GRM7: variants seen among roughly 807,000 people sequenced by gnomAD.
The protein encoded by GRM7 is metabotropic glutamate receptor 7.
In GRM7, 35 loss-of-function variants were observed where a neutral mutation model predicts 84.5. The observed-to-expected ratio is 0.41, with a 90% CI of 0.32 to 0.55. The LOEUF (loss-of-function observed/expected upper bound fraction) is 0.55. GRM7 is among the 20% of genes least tolerant of loss of function. The pLI, the probability that GRM7 is intolerant of heterozygous loss-of-function variation, is 0.19. For synonymous variants in GRM7, 487 were observed against 455.1 expected, an observed-to-expected ratio of 1.07 and a Z score of -0.89; for missense variants, 1,003 against 1,194.6, an observed-to-expected ratio of 0.84 and a Z score of 2.36.
At chr3:7,276,025 C>T (rs778812106) in intron 2 of GRM7, among the ~76,000 whole-genome samples, 5 of 152,050 alleles carry the variant, frequency 3.3e-5, no homozygotes, top group Non-Finnish European at 7.4e-5. Flanking sequence ...ACCTGTTGGT[C>T]CCTCCATGTT....
chr3:6,952,732 T>C (rs1692841357), intron 1 of GRM7, among the ~76,000 whole-genome samples: 1 of 152,218 alleles, frequency 6.6e-6, no homozygotes, highest in Non-Finnish European at 1.5e-5. Context: ...GTTTTGTTTT[T>C]GAGCGTTTCA....
chr3:6,930,103 C>G (rs144693866), intron 1 of GRM7, among the ~76,000 whole-genome samples: 1 of 152,164 alleles, frequency 6.6e-6, no homozygotes, highest in African/African-American at 2.4e-5. Flanking sequence ...AATCCCAACC[C>G]TACTGTTGAC....
At chr3:7,293,281 C>A (rs895355106) in intron 2 of GRM7, among the ~76,000 whole-genome samples, 18 of 152,036 alleles carry the variant, frequency 1.2e-4, no homozygotes, top group Admixed American at 1.0e-3. Context: ...TCCTGAGATT[C>A]TTCTTGTTGC....
chr3:7,423,368 T>C (rs1696476028), intron 5 of GRM7, among the ~76,000 whole-genome samples: 1 of 152,210 alleles, frequency 6.6e-6, no homozygotes, highest in Non-Finnish European at 1.5e-5. Context: ...TTGGGAGTTA[T>C]GGCCTTTCCA....
At chr3:7,550,808 T>C (rs1171543776) in intron 7 of GRM7, among the ~76,000 whole-genome samples, 2 of 152,036 alleles carry the variant, frequency 1.3e-5, no homozygotes, top group Non-Finnish European at 2.9e-5. Flanking sequence ...TGTAGTTGGA[T>C]GGTGCGTACT....
At chr3:7,162,134 C>T (rs1185599851) in intron 2 of GRM7, among the ~76,000 whole-genome samples, 1 of 152,056 alleles carries the variant, frequency 6.6e-6, no homozygotes, top group Non-Finnish European at 1.5e-5. Flanking sequence ...GCTTGAAATG[C>T]CTACAGTATA....
intron 9 of GRM7, among the ~76,000 whole-genome samples, chr3:7,683,491 T>G (rs1400032509): frequency 6.6e-6 from 1 of 152,204 alleles, no homozygotes; most frequent in Non-Finnish European, 1.5e-5. Flanking sequence ...CCATGAAAAC[T>G]TAACTAGATA....
intron 8 of GRM7, among the ~76,000 whole-genome samples, chr3:7,648,747 G>T (rs1261185866): frequency 3.3e-5 from 5 of 152,112 alleles, no homozygotes; most frequent in African/African-American, 1.2e-4. Context: ...GACTTCAGAT[G>T]CAGCAAAGCC....
intron 5 of GRM7, among the ~76,000 whole-genome samples, chr3:7,449,136 T>A (rs1250335900): frequency 6.6e-6 from 1 of 152,030 alleles, no homozygotes; most frequent in South Asian, 2.1e-4. Flanking sequence ...TAATAGAAAG[T>A]TGGAAAACAG....
At chr3:7,324,346 T>C (rs1029452533) in intron 4 of GRM7, among the ~76,000 whole-genome samples, 2 of 152,196 alleles carry the variant, frequency 1.3e-5, no homozygotes, top group African/African-American at 2.4e-5. Flanking sequence ...TATTTACTTA[T>C]AATGTTGCAA....
intron 4 of GRM7, among the ~76,000 whole-genome samples, chr3:7,414,481 AT>A (rs1696075638): frequency 6.6e-6 from 1 of 152,126 alleles, no homozygotes; most frequent in Admixed American, 6.6e-5. Context: ...CCATACGAAC[AT>A]TTAAAGTCAC....
rs1246049663 is a variant in GRM7 at position 7,414,963 on chromosome 3, A to G, written c.1034-60A>G. The G allele has an allele frequency of 2.9e-6, 4 of 1,373,306 alleles. No homozygotes were observed. The East Asian group carries it at 1.0e-4, about 34-fold the overall frequency. The allele number at this position is 1,373,306 out of a possible 1,614,324, so 85.1% of individuals were successfully genotyped here. A position where few individuals can be genotyped will look rare whatever the true frequency, so the allele number is the denominator to read the frequency against. On this transcript the variant is annotated intron_variant, in intron 4 of 9. Transcript: ENST00000357716. ...GAAAAAAAAAGTCACTTTTATTTTT[A>G]TTTCTGAATGTGCCAGCAGTGCCCC...
intron 1 of GRM7, among the ~76,000 whole-genome samples, chr3:7,100,218 C>T (rs1202978768): frequency 6.6e-6 from 1 of 151,404 alleles, no homozygotes; most frequent in African/African-American, 2.4e-5. Flanking sequence ...GTGCACTTCT[C>T]GTTTGTTTTA....
chr3:7,225,349 A>G (rs1159907815), intron 2 of GRM7, among the ~76,000 whole-genome samples: 1 of 149,198 alleles, frequency 6.7e-6, no homozygotes, highest in Non-Finnish European at 1.5e-5. Flanking sequence ...TATTATATAT[A>G]CAATTTCTTA....
intron 1 of GRM7, among the ~76,000 whole-genome samples, chr3:6,871,290 A>C (rs1695111409): frequency 6.6e-6 from 1 of 152,090 alleles, no homozygotes; most frequent in African/African-American, 2.4e-5. Context: ...GTGGCTCTTT[A>C]ATGACAATCA....
At chr3:7,309,144 C>T (rs900682368) in intron 4 of GRM7, among the ~76,000 whole-genome samples, 2 of 152,052 alleles carry the variant, frequency 1.3e-5, no homozygotes, top group African/African-American at 2.4e-5. Flanking sequence ...AGCCATATTG[C>T]CTAGGTACAT....
intron 1 of GRM7, among the ~76,000 whole-genome samples, chr3:6,951,808 G>T (rs925827209): frequency 2.0e-5 from 3 of 152,134 alleles, no homozygotes; most frequent in Non-Finnish European, 4.4e-5. Context: ...AAAGTCCAGT[G>T]TACCCTTACT....
chr3:7,374,683 G>T (rs1394818630), intron 4 of GRM7, among the ~76,000 whole-genome samples: 1 of 148,880 alleles, frequency 6.7e-6, no homozygotes, highest in Non-Finnish European at 1.5e-5. Context: ...TAGAGACAGG[G>T]TTTCACCATG....
chr3:7,402,342 T>A (rs563963369), intron 4 of GRM7, among the ~76,000 whole-genome samples: 1 of 152,192 alleles, frequency 6.6e-6, no homozygotes, highest in Non-Finnish European at 1.5e-5. Context: ...TGTCTAAAAG[T>A]GTAAGAGGTC....
Sources: allele counts gnomAD v4.1 joint callset (sites outside exome capture counted in the v4.1 genomes callset), GRCh38; gene constraint gnomAD v4.1.1; transcripts MANE v1.5; gene names NCBI Gene and HGNC (gene_info 2026-07-23, HGNC 2026-07-21).